The following ACTR3C variants were observed in gnomAD, a reference collection of about 807,000 sequenced individuals.
The protein encoded by ACTR3C is actin related protein 3C.
Under a neutral mutation model 26.3 loss-of-function variants are expected in ACTR3C, and 18 were observed. That is an observed-to-expected ratio of 0.68 (90% CI 0.47 to 1.01). The LOEUF is 1.01. ACTR3C is among the 50% of genes least tolerant of loss of function. The pLI, the probability that ACTR3C is intolerant of heterozygous loss-of-function variation, is 0.00. For synonymous variants in ACTR3C, 55 were observed against 94.5 expected (o/e 0.58, Z 2.42); for missense variants, 184 against 250.7 (o/e 0.73, Z 1.80).
intron 6 of ACTR3C, among the ~76,000 whole-genome samples, chr7:150,266,204 C>A (rs1834024233): frequency 6.8e-6 from 1 of 146,026 alleles, no homozygotes; most frequent in East Asian, 2.0e-4. Flanking sequence ...ATTACATGAT[C>A]TTGAATTTCC....
chr7:150,042,615 G>C, the ACTR3C span, among the ~76,000 whole-genome samples: 1 of 150,524 alleles, frequency 6.6e-6, no homozygotes, highest in Non-Finnish European at 1.5e-5. Context: ...AGTCCCAAGA[G>C]CCAGGGGGTA....
chr7:150,230,129 G>C, the ACTR3C span, among the ~76,000 whole-genome samples: 1 of 151,740 alleles, frequency 6.6e-6, no homozygotes, highest in Non-Finnish European at 1.5e-5. Context: ...GGAGGCTGAG[G>C]CAGGAGAATC....
the ACTR3C span, among the ~76,000 whole-genome samples, chr7:150,139,721 C>T: frequency 2.4e-3 from 367 of 152,292 alleles, no homozygotes; most frequent in African/African-American, 8.4e-3. Flanking sequence ...AACATACCTG[C>T]CATGCCCAAT....
At chr7:150,323,261 CCGCAGGCTG>C (rs1453443733) in intron 1 of ACTR3C, 199 bp downstream of exon 1, 1 of 247,946 alleles carries the variant, frequency 4.0e-6, no homozygotes, top group Admixed American at 6.1e-5. Context: ...GCGAAGACCC[CCGCAGGCTG>C]CGCTTCCGGA....
chr7:149,920,926 C>T, the ACTR3C span, among the ~76,000 whole-genome samples: 1 of 152,104 alleles, frequency 6.6e-6, no homozygotes, highest in South Asian at 2.1e-4. Context: ...ACCACCACAC[C>T]TGGCTAATTT....
At chr7:150,308,185 C>T (rs1418102460) in intron 1 of ACTR3C, among the ~76,000 whole-genome samples, 1 of 152,128 alleles carries the variant, frequency 6.6e-6, no homozygotes, top group East Asian at 1.9e-4. Flanking sequence ...AGTACCACCC[C>T]CCTCTCTTCG....
At chr7:149,928,196 T>A in the ACTR3C span, among the ~76,000 whole-genome samples, 1 of 123,056 alleles carries the variant, frequency 8.1e-6, no homozygotes, top group African/African-American at 3.2e-5. Context: ...TTTCTTTTTT[T>A]CTTTTCTTTT....
the ACTR3C span, among the ~76,000 whole-genome samples, chr7:150,059,700 T>G: frequency 6.6e-6 from 1 of 152,192 alleles, no homozygotes; most frequent in East Asian, 1.9e-4. Context: ...TAGGTTGTGT[T>G]GAAATGCAAA....
chr7:150,132,307 C>T, the ACTR3C span, among the ~76,000 whole-genome samples: 6 of 152,186 alleles, frequency 3.9e-5, no homozygotes, highest in Non-Finnish European at 5.9e-5. Flanking sequence ...TTGCATAGCT[C>T]TCTGGATATG....
At chr7:150,041,008 C>T in the ACTR3C span, among the ~76,000 whole-genome samples, 1 of 150,712 alleles carries the variant, frequency 6.6e-6, no homozygotes, top group African/African-American at 2.5e-5. Flanking sequence ...TGTTTAGAGA[C>T]GTAGGCTACC....
the ACTR3C span, among the ~76,000 whole-genome samples, chr7:150,194,214 T>C: frequency 6.7e-6 from 1 of 148,224 alleles, no homozygotes; most frequent in Non-Finnish European, 1.5e-5. Context: ...TATTTGCTTC[T>C]GATAATTTTT....
At chr7:150,114,402 A>G in the ACTR3C span, among the ~76,000 whole-genome samples, 4 of 151,966 alleles carry the variant, frequency 2.6e-5, no homozygotes, top group Non-Finnish European at 5.9e-5. Flanking sequence ...TCACATCTTA[A>G]TTAAAAATTG....
At chr7:150,220,884 C>G in the ACTR3C span, among the ~76,000 whole-genome samples, 1 of 152,300 alleles carries the variant, frequency 6.6e-6, no homozygotes, top group Non-Finnish European at 1.5e-5. Flanking sequence ...GACTCCGGCA[C>G]CCCACCCACC....
chr7:150,092,153 G>A, the ACTR3C span, among the ~76,000 whole-genome samples: 150 of 146,616 alleles, frequency 1.0e-3, 6 homozygotes, highest in South Asian at 0.034. Flanking sequence ...ACATAGAAAT[G>A]TGTTTCTATG....
chr7:150,139,297 G>A, the ACTR3C span, among the ~76,000 whole-genome samples: 2 of 152,210 alleles, frequency 1.3e-5, no homozygotes, highest in East Asian at 1.9e-4. Context: ...AGAATCACAC[G>A]ATCTGTGCCT....
chr7:149,937,139 T>A, the ACTR3C span, among the ~76,000 whole-genome samples: 7 of 148,702 alleles, frequency 4.7e-5, no homozygotes, highest in African/African-American at 1.7e-4. Context: ...CTAATAGTGC[T>A]GTCGGGAAGA....
intron 1 of ACTR3C, among the ~76,000 whole-genome samples, chr7:150,304,099 G>C (rs1418120471): frequency 6.6e-6 from 1 of 152,218 alleles, no homozygotes; most frequent in African/African-American, 2.4e-5. Context: ...GCGAGAATAG[G>C]AGAGGAGGCG....
the ACTR3C span, among the ~76,000 whole-genome samples, chr7:150,028,057 T>A: frequency 6.7e-6 from 1 of 150,278 alleles, no homozygotes; most frequent in East Asian, 1.9e-4. Context: ...GAAAACACTC[T>A]TCATTGAATT....
At chr7:150,297,724 C>A (rs1386529492) in intron 1 of ACTR3C, among the ~76,000 whole-genome samples, 15 of 152,166 alleles carry the variant, frequency 9.9e-5, no homozygotes, top group Non-Finnish European at 1.3e-4. Flanking sequence ...TGGTGGTGTG[C>A]ACCTGTAGTC....
Sources: allele counts gnomAD v4.1 joint callset (sites outside exome capture counted in the v4.1 genomes callset), GRCh38; gene constraint gnomAD v4.1.1; transcripts MANE v1.5; gene names NCBI Gene and HGNC (gene_info 2026-07-23, HGNC 2026-07-21).